Variants in ACSF2 observed in about 807,000 individuals in gnomAD.
ACSF2 encodes the protein medium-chain acyl-CoA ligase ACSF2, mitochondrial.
A neutral mutation model predicts 79.3 loss-of-function variants in ACSF2; 52 were observed. The observed-to-expected ratio is 0.66, with a 90% CI of 0.53 to 0.83. The LOEUF is 0.83. Ranked by LOEUF, ACSF2 falls within the 40% of genes least tolerant of loss-of-function variation. ACSF2 has a pLI of 0.00. For missense variants in ACSF2, 661 were observed against 803.3 expected (o/e 0.82, Z 2.14); for synonymous variants, 283 against 312.6 (o/e 0.91, Z 1.00).
At chr17:50,469,093 T>C (rs1037499761) in intron 10 of ACSF2, 18 of 1,198,522 alleles carry the variant, frequency 1.5e-5, no homozygotes, top group East Asian at 4.0e-5. Context: ...CCCCGAGCCC[T>C]GAGCCCCGGC....
chr17:50,427,037 A>G, intron 1 of ACSF2: 1 of 1,515,864 alleles, frequency 6.6e-7, no homozygotes, highest in East Asian at 2.5e-5. Flanking sequence ...GTGAGATGGC[A>G]AATGTGAAAG....
intron 1 of ACSF2, among the ~76,000 whole-genome samples, chr17:50,446,043 T>C (rs994556915): frequency 3.9e-5 from 6 of 152,170 alleles, no homozygotes; most frequent in African/African-American, 9.7e-5. Flanking sequence ...ATTGGGACTG[T>C]TTATTTTCTT....
At chr17:50,428,421 A>T (rs1036172237) in intron 1 of ACSF2, among the ~76,000 whole-genome samples, 3 of 151,896 alleles carry the variant, frequency 2.0e-5, no homozygotes, top group African/African-American at 7.3e-5. Flanking sequence ...CGGTGGTTGT[A>T]GTGAGCCAAG....
At chr17:50,434,874 CT>C (rs956644818) in intron 1 of ACSF2, among the ~76,000 whole-genome samples, 2 of 148,394 alleles carry the variant, frequency 1.3e-5, no homozygotes, top group African/African-American at 2.5e-5. Context: ...TTTTTTTTTT[CT>C]TTTTTTTATT....
At chr17:50,435,619 C>T (rs2030338380) in intron 1 of ACSF2, among the ~76,000 whole-genome samples, 2 of 151,920 alleles carry the variant, frequency 1.3e-5, no homozygotes, top group African/African-American at 4.8e-5. Context: ...ACTGTGTTGC[C>T]TAGGCTGGTC....
chr17:50,461,408 G>A, intron 3 of ACSF2, 38 bp downstream of exon 3: 1 of 1,612,624 alleles, frequency 6.2e-7, no homozygotes, highest in Non-Finnish European at 8.5e-7. Context: ...TGGTGTGCAT[G>A]GGGGAACATC....
chr17:50,442,944 T>C (rs2031039643), intron 1 of ACSF2, among the ~76,000 whole-genome samples: 1 of 151,756 alleles, frequency 6.6e-6, no homozygotes, highest in African/African-American at 2.4e-5. Context: ...GGAGTCTCAC[T>C]CTGTTCCCAG....
At chr17:50,464,775 G>GGGC (rs948649199) in intron 10 of ACSF2, 2 of 332,114 alleles carry the variant, frequency 6.0e-6, no homozygotes, top group African/African-American at 2.4e-5. Context: ...GACTTGGGGG[G>GGGC]GGGGTCTCAG....
At chr17:50,433,528 C>G (rs1422478554) in intron 1 of ACSF2, among the ~76,000 whole-genome samples, 4 of 152,128 alleles carry the variant, frequency 2.6e-5, no homozygotes, top group African/African-American at 9.7e-5. Flanking sequence ...TATCAAGGGA[C>G]AAGTGTCTTG....
chr17:50,464,664 GGATCTGAT>G, intron 10 of ACSF2: 1 of 469,938 alleles, frequency 2.1e-6, no homozygotes, highest in Non-Finnish European at 4.2e-6. Context: ...GGTGGGGCAA[GGATCTGAT>G]GATTGTTTCC....
Position 50,474,804 on chromosome 17 carries a change from T to C in ACSF2, c.*252T>C, listed in dbSNP as rs2033270323. ...CCCCACATTCCCCTGTCTGTCCTTG[T>C]GATTTGGCATAAAGAGCTTCTGTTT... On this transcript the variant is annotated 3_prime_UTR_variant, in exon 16 of 16. Transcript: ENST00000300441. The surrounding 1 kb of genome is among the most constrained non-coding windows in gnomAD (Gnocchi z 4.2). 1.9e-6 allele frequency: 1 copy of C among 518,622 alleles called. No homozygotes were observed. The highest frequency in any genetic ancestry group is 3.3e-5 in the East Asian group (1 of 30,114). The allele number at this position is 518,622 out of a possible 1,614,324, so 32.1% of individuals were successfully genotyped here.
At chr17:50,465,715 G>A (rs554921993) in intron 10 of ACSF2, 1 of 1,613,400 alleles carries the variant, frequency 6.2e-7, no homozygotes, top group African/African-American at 1.3e-5. Context: ...ACCGCCGAAG[G>A]CCCCGGAGCT....
intron 1 of ACSF2, among the ~76,000 whole-genome samples, chr17:50,449,693 C>T (rs1313425324): frequency 5.3e-5 from 8 of 152,094 alleles, no homozygotes; most frequent in East Asian, 1.9e-4. Context: ...GGATTACAGG[C>T]GTGAGCCACC....
intron 1 of ACSF2, among the ~76,000 whole-genome samples, chr17:50,450,998 T>C (rs1455398306): frequency 6.6e-6 from 1 of 152,146 alleles, no homozygotes; most frequent in Non-Finnish European, 1.5e-5. Flanking sequence ...AGTGGTGTAA[T>C]GGTAGCTCGC....
At chr17:50,461,720 G>T (rs2032340106) in intron 4 of ACSF2, 34 bp downstream of exon 4, 1 of 1,613,308 alleles carries the variant, frequency 6.2e-7, no homozygotes, top group East Asian at 2.2e-5. Flanking sequence ...GGCCCGGCTG[G>T]GGCCTGGCAC....
At chr17:50,458,505 G>A (rs2032148447) in intron 1 of ACSF2, among the ~76,000 whole-genome samples, 1 of 152,068 alleles carries the variant, frequency 6.6e-6, no homozygotes, top group Non-Finnish European at 1.5e-5. Context: ...GTTTTCCTTG[G>A]AGCCCCAGGT....
intron 1 of ACSF2, among the ~76,000 whole-genome samples, chr17:50,458,284 C>G (rs548120662): frequency 6.6e-6 from 1 of 152,286 alleles, no homozygotes; most frequent in South Asian, 2.1e-4. Context: ...CTCATTCTTC[C>G]AGGCCCAATG....
intron 1 of ACSF2, among the ~76,000 whole-genome samples, chr17:50,449,406 C>CT (rs1016128212): frequency 5.8e-4 from 80 of 136,804 alleles, no homozygotes; most frequent in Admixed American, 8.8e-4. Context: ...ACTTCATTTC[C>CT]TTTTTTTTTT....
At chr17:50,454,431 A>T (rs1020803284) in intron 1 of ACSF2, among the ~76,000 whole-genome samples, 1 of 152,156 alleles carries the variant, frequency 6.6e-6, no homozygotes, top group Non-Finnish European at 1.5e-5. Context: ...TCTGGGAGAC[A>T]GCCAGTCTGT....
Sources: allele counts gnomAD v4.1 joint callset (sites outside exome capture counted in the v4.1 genomes callset), GRCh38; gene constraint gnomAD v4.1.1; non-coding constraint Gnocchi (gnomAD v3.1); transcripts MANE v1.5; gene names NCBI Gene and HGNC (gene_info 2026-07-23, HGNC 2026-07-21).